PARD3B: variants seen among roughly 807,000 people sequenced by gnomAD.
PARD3B encodes partitioning defective 3 homolog B.
In PARD3B, 103 loss-of-function variants were observed where a neutral mutation model predicts 130.2. The observed-to-expected ratio is 0.79, with a 90% CI of 0.67 to 0.93. The LOEUF (loss-of-function observed/expected upper bound fraction) is 0.93, where lower values mean the gene tolerates loss of function less well. Ranked by LOEUF, PARD3B falls within the 40% of genes least tolerant of loss-of-function variation. PARD3B has a pLI of 0.00. For missense variants in PARD3B, 1,609 were observed against 1,499.2 expected (o/e 1.07, Z -1.21); for synonymous variants, 583 against 553.2 (o/e 1.05, Z -0.76).
At chr2:204,681,502 T>C (rs1329732927) in intron 1 of PARD3B, among the ~76,000 whole-genome samples, 1 of 152,186 alleles carries the variant, frequency 6.6e-6, no homozygotes, top group Non-Finnish European at 1.5e-5. Flanking sequence ...ACTTGGTTGA[T>C]CTATTTTAGG....
intron 2 of PARD3B, among the ~76,000 whole-genome samples, chr2:204,930,926 T>C (rs1436010761): frequency 6.6e-6 from 1 of 152,122 alleles, no homozygotes; most frequent in African/African-American, 2.4e-5. Context: ...ATGGTTTATC[T>C]CTTCAACTAA....
At chr2:205,396,729 A>G (rs1282191348) in intron 18 of PARD3B, among the ~76,000 whole-genome samples, 5 of 152,202 alleles carry the variant, frequency 3.3e-5, no homozygotes, top group African/African-American at 1.2e-4. Flanking sequence ...CAATTTCCTT[A>G]AGGCACCTAG....
At chr2:204,639,842 A>G (rs2035011548) in intron 1 of PARD3B, among the ~76,000 whole-genome samples, 1 of 152,234 alleles carries the variant, frequency 6.6e-6, no homozygotes, top group African/African-American at 2.4e-5. Flanking sequence ...AACCATTACT[A>G]GAAAGGCTTG....
chr2:205,102,374 A>T (rs940176774), intron 4 of PARD3B, among the ~76,000 whole-genome samples: 1 of 151,684 alleles, frequency 6.6e-6, no homozygotes, highest in African/African-American at 2.4e-5. Flanking sequence ...GAGGCCATCA[A>T]ATATCCTGAC....
At chr2:205,200,000 G>T (rs1160121633) in intron 15 of PARD3B, among the ~76,000 whole-genome samples, 3 of 152,056 alleles carry the variant, frequency 2.0e-5, no homozygotes, top group Non-Finnish European at 2.9e-5. Flanking sequence ...GTGGTCACCA[G>T]CAATCTCAAT....
chr2:204,719,926 C>T (rs1021540578), intron 2 of PARD3B, among the ~76,000 whole-genome samples: 10 of 152,138 alleles, frequency 6.6e-5, no homozygotes, highest in Admixed American at 3.3e-4. Flanking sequence ...AGAATGTATC[C>T]ATTCATATCC....
chr2:205,512,449 A>G (rs1398906371), intron 21 of PARD3B, among the ~76,000 whole-genome samples: 1 of 152,126 alleles, frequency 6.6e-6, no homozygotes, highest in African/African-American at 2.4e-5. Context: ...TTTTATCTCC[A>G]TGAAGCTTCC....
intron 3 of PARD3B, among the ~76,000 whole-genome samples, chr2:204,965,665 A>G (rs1203511913): frequency 6.6e-6 from 1 of 152,180 alleles, no homozygotes; most frequent in Non-Finnish European, 1.5e-5. Flanking sequence ...TTTATCAAAG[A>G]ATCCATGCTA....
intron 10 of PARD3B, among the ~76,000 whole-genome samples, chr2:205,141,895 C>T (rs1052282952): frequency 2.0e-5 from 3 of 152,120 alleles, no homozygotes; most frequent in East Asian, 1.9e-4. Flanking sequence ...TTAATGAGAA[C>T]GTGGCACATA....
At position 205,590,263 on chromosome 2, in the gene PARD3B, T is replaced by C. The variant is rs1411766314; in HGVS notation, c.3261-25193T>C. ...CTACCCAAGATCTCATAAAAGGCTG[T>C]CAGCACTTGGCTTCTTTCTCCCCAT... On this transcript the variant is annotated intron_variant, in intron 22 of 22. Coordinates refer to ENST00000406610, the MANE Select transcript of PARD3B (RefSeq NM_001302769.2). This position sits in a 1 kb window ranked among gnomAD's most constrained non-coding sequence, Gnocchi z 4.1. 2.6e-5 allele frequency among the ~76,000 whole-genome samples: 4 copies of C among 152,212 alleles called. No homozygotes were observed. In the East Asian group the frequency reaches 7.7e-4, roughly 29 times the overall value.
intron 10 of PARD3B, among the ~76,000 whole-genome samples, chr2:205,156,454 A>C (rs888663733): frequency 1.3e-5 from 2 of 152,076 alleles, no homozygotes; most frequent in African/African-American, 4.8e-5. Context: ...TCACCTTAAA[A>C]TTGTATACTT....
At chr2:204,827,110 T>C (rs1251770664) in intron 2 of PARD3B, among the ~76,000 whole-genome samples, 1 of 152,244 alleles carries the variant, frequency 6.6e-6, no homozygotes, top group African/African-American at 2.4e-5. Flanking sequence ...CTTATGTGTT[T>C]ATATTTGCTC....
intron 2 of PARD3B, among the ~76,000 whole-genome samples, chr2:204,761,868 C>T (rs1044305355): frequency 1.1e-4 from 16 of 151,670 alleles, no homozygotes; most frequent in African/African-American, 3.6e-4. Flanking sequence ...AAATGTAGTC[C>T]GTGGTATAGT....
intron 20 of PARD3B, among the ~76,000 whole-genome samples, chr2:205,467,491 C>G (rs1231455919): frequency 2.6e-5 from 4 of 152,162 alleles, no homozygotes; most frequent in African/African-American, 4.8e-5. Context: ...ATAACCTCGT[C>G]TTTAAAAGTT....
At chr2:205,075,969 A>G (rs1380259603) in intron 4 of PARD3B, among the ~76,000 whole-genome samples, 1 of 152,196 alleles carries the variant, frequency 6.6e-6, no homozygotes, top group African/African-American at 2.4e-5. Flanking sequence ...ATGAAATTAT[A>G]TATTTTATAT....
chr2:204,613,520 A>T (rs1006114255), intron 1 of PARD3B, among the ~76,000 whole-genome samples: 1 of 152,018 alleles, frequency 6.6e-6, no homozygotes, highest in Non-Finnish European at 1.5e-5. Flanking sequence ...ACAGTTTTTC[A>T]GTTGTTCTCT....
At chr2:205,005,413 A>G (rs1173622871) in intron 3 of PARD3B, among the ~76,000 whole-genome samples, 4 of 152,258 alleles carry the variant, frequency 2.6e-5, no homozygotes, top group Admixed American at 2.6e-4. Flanking sequence ...ATAAGTATTA[A>G]AAGGGCACAA....
intron 14 of PARD3B, among the ~76,000 whole-genome samples, chr2:205,192,768 G>A (rs552250243): frequency 6.6e-6 from 1 of 152,244 alleles, no homozygotes; most frequent in South Asian, 2.1e-4. Context: ...CAACAGGATG[G>A]TTTTCTCTAA....
chr2:204,650,788 T>C (rs189077616), intron 1 of PARD3B, among the ~76,000 whole-genome samples: 1 of 152,280 alleles, frequency 6.6e-6, no homozygotes, highest in Non-Finnish European at 1.5e-5. Context: ...TGACTCACTG[T>C]TCTGCATTCT....
Sources: gnomAD v4.1 joint callset for allele counts (sites outside exome capture counted in the v4.1 genomes callset) on GRCh38, gnomAD v4.1.1 for gene constraint, Gnocchi (gnomAD v3.1) non-coding constraint, MANE v1.5 for transcripts, NCBI Gene and HGNC (gene_info 2026-07-23, HGNC 2026-07-21) for gene names.